Variants in EHF observed in about 807,000 individuals in gnomAD.
EHF encodes ESE3 transcription factor.
In EHF, 14 loss-of-function variants were observed where a neutral mutation model predicts 45.1. That is an observed-to-expected ratio of 0.31 (90% CI 0.21 to 0.49). The LOEUF is 0.49. Ranked by LOEUF, EHF falls within the 20% of genes least tolerant of loss-of-function variation. EHF has a pLI of 0.99. For synonymous variants in EHF, 136 were observed against 131.8 expected (o/e 1.03, Z -0.22); for missense variants, 282 against 371.4 (o/e 0.76, Z 1.98).
rs758633212 is a variant in EHF at position 34,651,520 on chromosome 11, TCTC to T, written c.407-19_407-17del. 47 of 1,603,726 alleles carry T rather than the reference TCTC, an allele frequency of 2.9e-5. No individual in the cohort carries two copies. The African/African-American group carries it at 4.9e-4, about 17-fold the overall frequency. On this transcript the variant is annotated intron_variant, in intron 4 of 8. Transcript: ENST00000257831. ...CTGGGGAAAAGAGATCGCTGACTAT[TCTC>T]CTTCTCTATTTTTTGTAGAGCCTTC...
At chr11:34,644,500 G>A (rs1043323782) in intron 2 of EHF, among the ~76,000 whole-genome samples, 1 of 152,200 alleles carries the variant, frequency 6.6e-6, no homozygotes, top group Non-Finnish European at 1.5e-5. Context: ...TGGGCCAGGG[G>A]CTGCTTTTGT....
chr11:34,633,115 C>T (rs1156858465), intron 1 of EHF, among the ~76,000 whole-genome samples: 3 of 152,248 alleles, frequency 2.0e-5, no homozygotes, highest in Non-Finnish European at 4.4e-5. Flanking sequence ...TCAGAGAGAT[C>T]CTCTGCAAGC....
At chr11:34,630,071 C>T (rs982329059) in intron 1 of EHF, among the ~76,000 whole-genome samples, 1 of 152,138 alleles carries the variant, frequency 6.6e-6, no homozygotes. Context: ...TATTAGGGTA[C>T]AAGGATGATC....
At chr11:34,651,252 C>T (rs1855135493) in intron 4 of EHF, among the ~76,000 whole-genome samples, 1 of 152,136 alleles carries the variant, frequency 6.6e-6, no homozygotes, top group African/African-American at 2.4e-5. Flanking sequence ...GGAAAATTCC[C>T]AGGAACCACT....
intron 6 of EHF, among the ~76,000 whole-genome samples, chr11:34,653,798 T>C (rs186899735): frequency 2.8e-3 from 429 of 152,344 alleles, no homozygotes; most frequent in Non-Finnish European, 4.7e-3. Context: ...TCCCATGTAA[T>C]TGAATGCAGT....
At chr11:34,635,838 A>G (rs286910) in intron 1 of EHF, among the ~76,000 whole-genome samples, 151,172 of 152,130 alleles carry the variant, frequency 0.99, 75,119 homozygotes, top group East Asian at 1. Context: ...TGAGAGGAAG[A>G]GGGACAGGAG....
At chr11:34,632,804 G>T (rs781380691) in intron 1 of EHF, among the ~76,000 whole-genome samples, 9 of 152,108 alleles carry the variant, frequency 5.9e-5, no homozygotes, top group Admixed American at 2.0e-4. Context: ...AGTCCATCAG[G>T]GTAGGGCAGC....
At chr11:34,642,326 A>C in intron 1 of EHF, 1 of 207,724 alleles carries the variant, frequency 4.8e-6, no homozygotes, top group Non-Finnish European at 9.5e-6. Context: ...CTTGGATGCC[A>C]GCCAGCCTCG....
intron 1 of EHF, 184 bp from the exon 2 acceptor site, chr11:34,642,444 C>A (rs534237281): frequency 1.0e-4 from 52 of 517,482 alleles, no homozygotes; most frequent in Non-Finnish European, 1.0e-5. Context: ...GAAAATTGAA[C>A]CTGGAAATTT....
Position 34,659,073 on chromosome 11 carries a change from A to G in EHF, c.*142A>G. On this transcript the variant is annotated 3_prime_UTR_variant, in exon 9 of 9. Coordinates refer to ENST00000257831, the MANE Select transcript of EHF (RefSeq NM_012153.6). ...GAACAAGAAACTACTTCTAACGGGA[A>G]GAAGAAACACTACGGTCGATTAAAA... 1 of 640,290 alleles carries G rather than the reference A, an allele frequency of 1.6e-6. No homozygotes were observed. Among genetic ancestry groups the G allele is most frequent in the Non-Finnish European group, 2.6e-6 (1 of 384,084 alleles). 39.7% of individuals were successfully genotyped at this position (640,290 alleles called of 1,614,324 possible). A position where few individuals can be genotyped will look rare whatever the true frequency, so the allele number is the denominator to read the frequency against.
chr11:34,631,813 G>A (rs1260756772), intron 1 of EHF, among the ~76,000 whole-genome samples: 1 of 152,152 alleles, frequency 6.6e-6, no homozygotes, highest in Admixed American at 6.5e-5. Flanking sequence ...TCCCTAAACT[G>A]TATTGACTTT....
chr11:34,643,542 G>A (rs997747509), intron 2 of EHF, among the ~76,000 whole-genome samples: 23 of 152,216 alleles, frequency 1.5e-4, no homozygotes, highest in African/African-American at 5.5e-4. Flanking sequence ...TGGTTTGTTG[G>A]TGACCAGAGC....
chr11:34,654,824 C>A (rs542875585), intron 6 of EHF, among the ~76,000 whole-genome samples: 1 of 152,296 alleles, frequency 6.6e-6, no homozygotes, highest in African/African-American at 2.4e-5. Flanking sequence ...AACCCACAAA[C>A]AATAATTGAG....
rs2134257250 is a variant in EHF, at chr11:34,661,600, T to C, written c.*2669T>C. Among the ~76,000 whole-genome samples the C allele has an allele frequency of 6.6e-6, 1 of 152,288 alleles. No homozygotes were observed. Among genetic ancestry groups the C allele is most frequent in the East Asian group, 1.9e-4 (1 of 5,182 alleles). ...AGCATATCTCTCTATTGTCTTGACT[T>C]GAGTTTGCTGCATTTTCTATGTGCT... is the stretch of plus-strand genomic sequence containing the variant. On this transcript the variant is annotated 3_prime_UTR_variant, in exon 9 of 9. Coordinates refer to ENST00000257831, the MANE Select transcript of EHF (RefSeq NM_012153.6).
At chr11:34,652,898 TCTC>T (rs771111297) in intron 6 of EHF, among the ~76,000 whole-genome samples, 8 of 152,196 alleles carry the variant, frequency 5.3e-5, no homozygotes, top group Non-Finnish European at 1.0e-4. Flanking sequence ...GCTCTCGACT[TCTC>T]CTTCCCCCAG....
rs780809590 is a variant in EHF at position 34,643,068 on chromosome 11, A to ATGTG, written c.97+367_97+370dup. Among the ~76,000 whole-genome samples the ATGTG allele has an allele frequency of 9.8e-3, 1,415 of 144,958 alleles. 20 individuals are homozygous for ATGTG. The highest frequency in any genetic ancestry group is 0.031 in the African/African-American group (1,220 of 39,578). ...CAAGATAGGCTAGGAGAGAAAGGGT[A>ATGTG]TGTGTGTGTGTGTGTGTGTGTGTGT... is the stretch of plus-strand genomic sequence containing the variant. On this transcript the variant is annotated intron_variant, in intron 2 of 8. Coordinates refer to ENST00000257831, the MANE Select transcript of EHF (RefSeq NM_012153.6).
rs538964808 is a variant in EHF, at chr11:34,636,943, T to C, written c.-3-5685T>C. ...ACTTGGGAGGCTGAGGCAGGAGAAT[T>C]GCTTGAACCTGGGAGGTGGAGGTTG... On this transcript the variant is annotated intron_variant, in intron 1 of 8. Coordinates refer to ENST00000257831, the MANE Select transcript of EHF (RefSeq NM_012153.6). Among the ~76,000 whole-genome samples the C allele has an allele frequency of 2.5e-4, 37 of 150,186 alleles. No homozygotes were observed. In the South Asian group the frequency reaches 7.4e-3, roughly 30 times the overall value.
intron 1 of EHF, chr11:34,632,546 G>A (rs1357184287): frequency 1.3e-6 from 2 of 1,535,372 alleles, no homozygotes; most frequent in East Asian, 2.4e-5. Flanking sequence ...TATCCTCTCT[G>A]CCAACTCCAC....
rs1302297701 is a variant in EHF, at chr11:34,622,659, A to T, written c.-4+1431A>T. ...AGGATCCACTTTTCCTCTTTTTGTG[A>T]CCTAAAATTCTGGGATGATGAAATA... On this transcript the variant is annotated intron_variant, in intron 1 of 8. Coordinates refer to ENST00000257831, the MANE Select transcript of EHF (RefSeq NM_012153.6). Among the ~76,000 whole-genome samples the T allele has an allele frequency of 2.6e-5, 4 of 151,240 alleles. No homozygotes were observed. In the East Asian group the frequency reaches 7.7e-4, roughly 29 times the overall value.
Sources: allele counts gnomAD v4.1 joint callset (sites outside exome capture counted in the v4.1 genomes callset), GRCh38; gene constraint gnomAD v4.1.1; transcripts MANE v1.5; gene names NCBI Gene and HGNC (gene_info 2026-07-23, HGNC 2026-07-21).